COG5: variants seen among roughly 807,000 people sequenced by gnomAD.
The protein encoded by COG5 is conserved oligomeric Golgi complex subunit 5.
In COG5, 86 loss-of-function variants were observed where a neutral mutation model predicts 110.4. The observed-to-expected ratio is 0.78, with a 90% CI of 0.65 to 0.93. The LOEUF (loss-of-function observed/expected upper bound fraction) is 0.93, where lower values mean the gene tolerates loss of function less well. Among genes scored for constraint, COG5 ranks in the 40% least tolerant of loss-of-function variants. The pLI is 0.00. For missense variants in COG5, 1,077 were observed against 987.0 expected (o/e 1.09, Z -1.22); for synonymous variants, 360 against 334.6 (o/e 1.08, Z -0.83).
chr7:107,507,019 G>A lies in COG5; in HGVS notation c.538+20218C>T, dbSNP rs531089277. 4.6e-5 allele frequency among the ~76,000 whole-genome samples: 7 copies of A among 152,306 alleles called. 1 individual carries two copies. The East Asian group carries it at 5.8e-4, about 13-fold the overall frequency. ...AGCACGCAAGGCTGCTCCCACTGCCGTTCCTACTTTTATATATGTCACCAC... is the reference window on the plus strand; with the variant it reads ...AGCACGCAAGGCTGCTCCCACTGCCATTCCTACTTTTATATATGTCACCAC... On this transcript the variant is annotated intron_variant, in intron 6 of 21. Coordinates refer to ENST00000297135, the MANE Select transcript of COG5 (RefSeq NM_006348.5).
chr7:107,267,882 C>A (rs769304173), intron 14 of COG5, among the ~76,000 whole-genome samples: 1 of 152,072 alleles, frequency 6.6e-6, no homozygotes, highest in Non-Finnish European at 1.5e-5. Flanking sequence ...ATAGTGAGAT[C>A]CCCACCTCTA....
chr7:107,377,192 T>C (rs534701026), intron 7 of COG5, among the ~76,000 whole-genome samples: 5 of 152,266 alleles, frequency 3.3e-5, no homozygotes, highest in East Asian at 1.9e-4. Flanking sequence ...GTGAAGCTGA[T>C]TGGCCTTGGA....
In COG5 at chr7:107,527,269, A is replaced by C. The variant is rs1168787858; in HGVS notation, c.506T>G (p.Ile169Arg). 9.3e-6 allele frequency: 15 copies of C among 1,605,602 alleles called. No homozygotes were observed. In the East Asian group the frequency reaches 1.3e-4, roughly 14 times the overall value. Residue 169 changes from isoleucine to arginine, a missense_variant, in exon 6 of 22, where the codon ATA becomes AGA. Coordinates refer to ENST00000297135, the MANE Select transcript of COG5 (RefSeq NM_006348.5). Reference sequence around the variant, plus strand: ...ATTGAGACTCTGAGCAGCTTTTGTTATCTCTCTACTTCCCCCTTGCAGTTG... The same window carrying C: ...ATTGAGACTCTGAGCAGCTTTTGTTCTCTCTCTACTTCCCCCTTGCAGTTG... ...QGQLQGGSRE[I>R]TKAAQSLNEL... is the part of the protein sequence containing the mutation.
chr7:107,227,465 T>C (rs1800430017), intron 19 of COG5, among the ~76,000 whole-genome samples: 1 of 152,174 alleles, frequency 6.6e-6, no homozygotes. Context: ...CTTGATTCTA[T>C]AAATAGGTAT....
In COG5 at chr7:107,202,659, C is replaced by CTGAT. The variant is rs894642640; in HGVS notation, c.*853_*856dup. The stretch of plus-strand genomic sequence containing the variant: ...CCTAACACTGCTAATTAGGAGGCTG[C>CTGAT]TGATAGGATTTTAAAAATTAAAAAC... On this transcript the variant is annotated 3_prime_UTR_variant, in exon 22 of 22. Transcript: ENST00000297135. 13 of 152,114 alleles carry CTGAT rather than the reference C, an allele frequency of 8.5e-5. No individual in the cohort carries two copies. The highest frequency in any genetic ancestry group is 1.9e-4 in the East Asian group (1 of 5,158). The allele number at this position is 152,114 out of a possible 1,614,324, so 9.4% of individuals were successfully genotyped here.
intron 5 of COG5, among the ~76,000 whole-genome samples, chr7:107,542,160 A>C (rs746896562): frequency 9.2e-5 from 14 of 152,168 alleles, no homozygotes; most frequent in African/African-American, 1.4e-4. Context: ...AACTAACCAT[A>C]AAAGAAAAAT....
chr7:107,227,000 A>G (rs1800387424), intron 19 of COG5, among the ~76,000 whole-genome samples: 1 of 152,196 alleles, frequency 6.6e-6, no homozygotes. Context: ...CGTCATCTGC[A>G]GGAGGAACCT....
intron 10 of COG5, among the ~76,000 whole-genome samples, chr7:107,331,454 C>T (rs1810237055): frequency 6.6e-6 from 1 of 151,640 alleles, no homozygotes; most frequent in Non-Finnish European, 1.5e-5. Context: ...GGCGACAGAG[C>T]AAGACTCCAT....
At chr7:107,212,043 T>G (rs1799218009) in intron 19 of COG5, among the ~76,000 whole-genome samples, 1 of 152,214 alleles carries the variant, frequency 6.6e-6, no homozygotes, top group Non-Finnish European at 1.5e-5. Context: ...TTACCCCAAC[T>G]TAATTACTCT....
At chr7:107,374,737 T>C (rs962721585) in intron 7 of COG5, among the ~76,000 whole-genome samples, 2 of 152,034 alleles carry the variant, frequency 1.3e-5, no homozygotes, top group African/African-American at 4.8e-5. Context: ...GCATTATTTA[T>C]AATACAATTT....
intron 19 of COG5, among the ~76,000 whole-genome samples, chr7:107,211,733 C>T (rs1200506241): frequency 6.6e-6 from 1 of 152,146 alleles, no homozygotes; most frequent in African/African-American, 2.4e-5. Flanking sequence ...CTGAACACTC[C>T]ATCAAAAATT....
chr7:107,386,501 A>C (rs1360920753), intron 7 of COG5, among the ~76,000 whole-genome samples: 1 of 152,084 alleles, frequency 6.6e-6, no homozygotes, highest in East Asian at 1.9e-4. Context: ...AGTGAAAAGC[A>C]CCGCGCAGTC....
intron 6 of COG5, among the ~76,000 whole-genome samples, chr7:107,485,837 A>G (rs73187388): frequency 0.024 from 3,679 of 152,262 alleles, 62 homozygotes; most frequent in Non-Finnish European, 0.035. Context: ...TCATAAGAAT[A>G]TAAGTAAAGA....
intron 10 of COG5, among the ~76,000 whole-genome samples, chr7:107,327,674 G>T (rs1352337422): frequency 6.6e-6 from 1 of 151,914 alleles, no homozygotes; most frequent in Non-Finnish European, 1.5e-5. Context: ...TAAATAAATG[G>T]CTGGCCAACA....
intron 21 of COG5, chr7:107,209,904 G>C (rs936159928): frequency 1.2e-5 from 12 of 986,034 alleles, no homozygotes; most frequent in Middle Eastern, 5.2e-4. Context: ...AGAGGTCTCT[G>C]GTGATGGTGA....
chr7:107,505,483 T>G (rs1798927442), intron 6 of COG5, among the ~76,000 whole-genome samples: 2 of 152,178 alleles, frequency 1.3e-5, no homozygotes, highest in Non-Finnish European at 2.9e-5. Flanking sequence ...CCTGTGGGGA[T>G]GCAGTCACCC....
At chr7:107,322,265 A>C (rs1398819958) in intron 11 of COG5, among the ~76,000 whole-genome samples, 1 of 152,224 alleles carries the variant, frequency 6.6e-6, no homozygotes, top group Non-Finnish European at 1.5e-5. Flanking sequence ...TGCACTTACA[A>C]AAGAGGCTCA....
intron 16 of COG5, among the ~76,000 whole-genome samples, chr7:107,254,050 T>G (rs1162023143): frequency 6.6e-6 from 1 of 152,158 alleles, no homozygotes; most frequent in Non-Finnish European, 1.5e-5. Context: ...TGACTTTCAC[T>G]GTGTATCACT....
intron 12 of COG5, among the ~76,000 whole-genome samples, chr7:107,296,660 G>C (rs1806775939): frequency 6.8e-6 from 1 of 147,078 alleles, no homozygotes; most frequent in Non-Finnish European, 1.5e-5. Context: ...CTAGGCTCAA[G>C]AGACCTTCCC....
Sources: gnomAD v4.1 joint callset for allele counts (sites outside exome capture counted in the v4.1 genomes callset) on GRCh38, gnomAD v4.1.1 for gene constraint, MANE v1.5 for transcripts, NCBI Gene and HGNC (gene_info 2026-07-23, HGNC 2026-07-21) for gene names.